The following DTNB variants were observed in gnomAD, a reference collection of about 807,000 sequenced individuals.
The protein encoded by DTNB is DTN-B.
In DTNB, 63 loss-of-function variants were observed where a neutral mutation model predicts 90.7. That is an observed-to-expected ratio of 0.69 (90% confidence interval 0.57 to 0.86). The LOEUF (loss-of-function observed/expected upper bound fraction) is 0.86, where lower values mean the gene tolerates loss of function less well. DTNB is among the 40% of genes least tolerant of loss of function. The pLI is 0.00. For missense variants in DTNB, 744 were observed against 807.1 expected (o/e 0.92, Z 0.95); for synonymous variants, 277 against 286.7 (o/e 0.97, Z 0.34).
At chr2:25,508,393 T>C (rs2073018686) in intron 9 of DTNB, among the ~76,000 whole-genome samples, 1 of 152,152 alleles carries the variant, frequency 6.6e-6, no homozygotes, top group South Asian at 2.1e-4. Flanking sequence ...GGCTGTTAAA[T>C]ATGATCCATT....
At chr2:25,532,492 A>G (rs2078433534) in intron 8 of DTNB, among the ~76,000 whole-genome samples, 1 of 152,232 alleles carries the variant, frequency 6.6e-6, no homozygotes. Context: ...TACAAAAATA[A>G]GTTGGCATAC....
chr2:25,566,094 C>T (rs776670825), intron 8 of DTNB, among the ~76,000 whole-genome samples: 24 of 152,184 alleles, frequency 1.6e-4, no homozygotes, highest in Non-Finnish European at 2.9e-4. Context: ...CCGTAAAAGC[C>T]ATATTTCTCT....
At chr2:25,538,769 A>T (rs1264560113) in intron 8 of DTNB, among the ~76,000 whole-genome samples, 1 of 152,086 alleles carries the variant, frequency 6.6e-6, no homozygotes, top group Non-Finnish European at 1.5e-5. Context: ...ACAGTTTTAA[A>T]AGTTATAAAA....
chr2:25,410,379 A>G (rs770418788), intron 16 of DTNB, among the ~76,000 whole-genome samples: 1 of 152,132 alleles, frequency 6.6e-6, no homozygotes, highest in Non-Finnish European at 1.5e-5. Context: ...TTTCTCTTGT[A>G]TCCTCGGACT....
chr2:25,614,582 C>G (rs547646044), intron 4 of DTNB, among the ~76,000 whole-genome samples: 1 of 152,048 alleles, frequency 6.6e-6, no homozygotes, highest in Non-Finnish European at 1.5e-5. Flanking sequence ...TTTTTAAAAG[C>G]ATGTTCAAGA....
At chr2:25,465,540 C>T (rs776596602) in intron 10 of DTNB, among the ~76,000 whole-genome samples, 26 of 152,166 alleles carry the variant, frequency 1.7e-4, no homozygotes, top group Admixed American at 5.2e-4. Context: ...GATCTGGCCC[C>T]TTGCTGCCTC....
intron 8 of DTNB, chr2:25,558,552 C>T (rs1193836289): frequency 7.4e-6 from 2 of 269,384 alleles, no homozygotes; most frequent in Non-Finnish European, 1.1e-5. Context: ...CTTGTCATCG[C>T]TCTAAGAATA....
intron 2 of DTNB, among the ~76,000 whole-genome samples, chr2:25,645,601 C>G (rs1250466720): frequency 6.6e-6 from 1 of 151,940 alleles, no homozygotes; most frequent in Non-Finnish European, 1.5e-5. Context: ...GCCACCACAC[C>G]TGGCTAATTT....
At chr2:25,452,603 G>A (rs2059442096) in intron 11 of DTNB, among the ~76,000 whole-genome samples, 1 of 152,154 alleles carries the variant, frequency 6.6e-6, no homozygotes, top group Non-Finnish European at 1.5e-5. Flanking sequence ...AAGTCATACA[G>A]AAAAATTTAA....
chr2:25,438,782 G>A (rs1161725386), intron 12 of DTNB, among the ~76,000 whole-genome samples: 3 of 152,148 alleles, frequency 2.0e-5, no homozygotes, highest in African/African-American at 4.8e-5. Flanking sequence ...GAAACCTGAC[G>A]AACACTGCCA....
chr2:25,447,106 T>C (rs1424028133), intron 12 of DTNB, among the ~76,000 whole-genome samples: 2 of 152,252 alleles, frequency 1.3e-5, no homozygotes, highest in African/African-American at 2.4e-5. Context: ...CAGTATTTTG[T>C]CAGGTTTTTA....
chr2:25,526,792 T>G (rs539690714), intron 9 of DTNB, among the ~76,000 whole-genome samples: 5 of 152,216 alleles, frequency 3.3e-5, no homozygotes, highest in African/African-American at 1.2e-4. Context: ...TGGTTATCTA[T>G]AGGGGAAAAG....
intron 6 of DTNB, among the ~76,000 whole-genome samples, chr2:25,593,456 T>C (rs1249658884): frequency 6.6e-6 from 1 of 152,284 alleles, no homozygotes; most frequent in Non-Finnish European, 1.5e-5. Context: ...GTCTCACTTC[T>C]TGGTCAATAT....
intron 16 of DTNB, chr2:25,388,645 A>C (rs567915715): frequency 6.4e-5 from 23 of 359,528 alleles, no homozygotes; most frequent in African/African-American, 3.2e-4. Flanking sequence ...AGACAGAGTG[A>C]GCTGCGTGAC....
chr2:25,518,581 ACACACACT>A (rs925247570), intron 9 of DTNB, among the ~76,000 whole-genome samples: 2 of 152,142 alleles, frequency 1.3e-5, no homozygotes, highest in Admixed American at 6.5e-5. Context: ...ACCCCAACAC[ACACACACT>A]CACACTCACG....
chr2:25,433,944 T>C lies in DTNB; in HGVS notation c.1309A>G (p.Arg437Gly), dbSNP rs1318904619. 6 of 1,613,808 alleles carry C rather than the reference T, an allele frequency of 3.7e-6. No individual in the cohort carries two copies. In the African/African-American group the frequency reaches 4.0e-5, roughly 11 times the overall value. Residue 437 changes from arginine to glycine, a missense_variant, in exon 13 of 21, where the codon AGA (arginine) becomes GGA (glycine). By Grantham distance (125) the Arg-to-Gly change is moderately radical (BLOSUM62 -2). Transcript: ENST00000406818. ...TTTTCCAGTTCTGCAATAAGCTGTC[T>C]TTGTTGTTTGTTGGCATCAAAGTTA... The part of the protein sequence containing the change: ...SFNFDANKQQ[R>G]QLIAELENKN...
chr2:25,515,723 C>A (rs1489217024), intron 9 of DTNB, among the ~76,000 whole-genome samples: 22 of 152,060 alleles, frequency 1.4e-4, no homozygotes, highest in Admixed American at 1.4e-3. Context: ...TTACAGGAGC[C>A]CGCCACCATG....
intron 9 of DTNB, among the ~76,000 whole-genome samples, chr2:25,501,735 C>T (rs568614151): frequency 2.6e-5 from 4 of 152,002 alleles, no homozygotes; most frequent in South Asian, 2.1e-4. Flanking sequence ...GAAGGAGAGG[C>T]GATAGTATCT....
intron 10 of DTNB, among the ~76,000 whole-genome samples, chr2:25,471,451 G>A (rs922156787): frequency 1.3e-5 from 2 of 151,070 alleles, no homozygotes; most frequent in Admixed American, 1.3e-4. Context: ...GGAGTGCAGC[G>A]GCCCAATCTC....
Sources: gnomAD v4.1 joint callset for allele counts (sites outside exome capture counted in the v4.1 genomes callset) on GRCh38, gnomAD v4.1.1 for gene constraint, MANE v1.5 for transcripts, NCBI Gene and HGNC (gene_info 2026-07-23, HGNC 2026-07-21) for gene names.